Variants in HINFP observed in about 807,000 individuals in gnomAD.
The protein encoded by HINFP is MBD2 (methyl-CpG-binding protein)-interacting zinc finger protein.
Under a neutral mutation model 50.1 loss-of-function variants are expected in HINFP, and 20 were observed. The observed-to-expected ratio is 0.40, with a 90% CI of 0.28 to 0.58. HINFP has a LOEUF of 0.58. Ranked by LOEUF, HINFP falls within the 20% of genes least tolerant of loss-of-function variation. The pLI is 0.45. For synonymous variants in HINFP, 247 were observed against 243.7 expected, an observed-to-expected ratio of 1.01 and a Z score of -0.13; for missense variants, 505 against 664.1, an observed-to-expected ratio of 0.76 and a Z score of 2.63.
Position 119,132,109 on chromosome 11 carries a change from GCACCT to G in HINFP, c.676+129_676+133del. The G allele has an allele frequency of 4.1e-6, 4 of 969,580 alleles. No individual in the cohort carries two copies. In the South Asian group the frequency reaches 6.0e-5, roughly 15 times the overall value. 60.1% of individuals were successfully genotyped at this position (969,580 alleles called of 1,614,324 possible). A position where few individuals can be genotyped will look rare whatever the true frequency, so the allele number is the denominator to read the frequency against. Reference sequence around the variant, plus strand: ...GGCTGCCTCTTCTTTTTGGGCTCAGGCACCTCCCATAGTCTCTTTGCTGATTCAGA... The same window carrying G: ...GGCTGCCTCTTCTTTTTGGGCTCAGGCCCATAGTCTCTTTGCTGATTCAGA... On this transcript the variant is annotated intron_variant, in intron 5 of 9. Transcript: ENST00000350777.
At chr11:119,123,138 A>AAAAAG (rs1555212588) in intron 1 of HINFP, among the ~76,000 whole-genome samples, 27 of 151,030 alleles carry the variant, frequency 1.8e-4, no homozygotes, top group African/African-American at 6.5e-4. Context: ...CAAAAAAAAA[A>AAAAAG]AAAAAAAAAA....
intron 1 of HINFP, chr11:119,123,901 G>A (rs1947239624): frequency 1.3e-5 from 2 of 151,868 alleles, no homozygotes; most frequent in Admixed American, 1.3e-4. Context: ...TGGCCAGGAT[G>A]GTCTCAATCT....
chr11:119,132,488 C>A lies in HINFP; in HGVS notation c.677-8C>A. ...CAGCCCTCCTTTCTTCTGCCTGCCC[C>A]ACCCCAGAGCAGCACTTCCAGTGTT... On this transcript the variant is annotated splice_polypyrimidine_tract_variant and splice_region_variant and intron_variant, in intron 5 of 9. Transcript: ENST00000350777. 2.5e-6 allele frequency: 4 copies of A among 1,614,016 alleles called. No homozygotes were observed. In the South Asian group the frequency reaches 4.4e-5, roughly 18 times the overall value.
Position 119,132,491 on chromosome 11 carries a change from C to T in HINFP, c.677-5C>T. 3.1e-6 allele frequency: 5 copies of T among 1,614,092 alleles called. No homozygotes were observed. The highest frequency in any genetic ancestry group is 4.2e-6 in the Non-Finnish European group (5 of 1,180,034). On this transcript the variant is annotated splice_polypyrimidine_tract_variant and splice_region_variant and intron_variant, in intron 5 of 9. Coordinates refer to ENST00000350777, the MANE Select transcript of HINFP (RefSeq NM_198971.3). Reference sequence around the variant, plus strand: ...CCCTCCTTTCTTCTGCCTGCCCCACCCCAGAGCAGCACTTCCAGTGTTCTC... The same window carrying T: ...CCCTCCTTTCTTCTGCCTGCCCCACTCCAGAGCAGCACTTCCAGTGTTCTC...
At chr11:119,129,875 A>G (rs1315898719) in intron 2 of HINFP, 2 of 152,060 alleles carry the variant, frequency 1.3e-5, no homozygotes, top group Non-Finnish European at 2.9e-5. Context: ...TCCTTCTCCC[A>G]CCCCAAATTC....
intron 2 of HINFP, 157 bp downstream of exon 2, chr11:119,127,282 A>G (rs1947461294): frequency 1.7e-6 from 1 of 595,412 alleles, no homozygotes; most frequent in Non-Finnish European, 2.7e-6. Flanking sequence ...TCATTTATAG[A>G]AAACTCAGTC....
In HINFP at chr11:119,132,712, C is replaced by T. The variant is rs1260778126; in HGVS notation, c.806C>T (p.Ser269Phe). The T allele has an allele frequency of 6.2e-7, 1 of 1,613,974 alleles. No individual in the cohort carries two copies. Among genetic ancestry groups the T allele is most frequent in the South Asian group, 1.1e-5 (1 of 91,078 alleles). ...LCDMTCPLPS[S>F]LRNHMRFRHS... The stretch of plus-strand genomic sequence containing the variant: ...GACATGACCTGCCCGCTGCCTTCCT[C>T]CCTCCGCAACCACATGCGCTTTCGT... Residue 269 changes from serine (S) to phenylalanine (F), a missense_variant, in exon 7 of 10, where the codon TCC becomes TTC. Ser to Phe is a radical substitution (Grantham distance 155, BLOSUM62 -2). Transcript: ENST00000350777.
At chr11:119,126,534 G>T (rs1366268856) in intron 1 of HINFP, 1 of 155,732 alleles carries the variant, frequency 6.4e-6, no homozygotes, top group Non-Finnish European at 1.4e-5. Context: ...CTTGACAAAG[G>T]TCATACAGCT....
chr11:119,129,490 C>CTTTTTTTTCTTTTTTTTTTTTTTTTTTT (rs776476604), intron 2 of HINFP, among the ~76,000 whole-genome samples: 1 of 124,188 alleles, frequency 8.1e-6, no homozygotes, highest in African/African-American at 3.1e-5. Context: ...TTTTTCTTTT[C>CTTTTTTTTCTTTTTTTTTTTTTTTTTTT]TTTTTTTTTT....
At chr11:119,124,169 C>T (rs1446386338) in intron 1 of HINFP, 1 of 152,108 alleles carries the variant, frequency 6.6e-6, no homozygotes, top group Admixed American at 6.5e-5. Flanking sequence ...AGCTCAGCAA[C>T]CCTATATGCA....
chr11:119,122,215 A>G (rs920909300), intron 1 of HINFP, among the ~76,000 whole-genome samples: 1 of 152,192 alleles, frequency 6.6e-6, no homozygotes, highest in Non-Finnish European at 1.5e-5. Flanking sequence ...CAAGAGACAC[A>G]GAAAGAGAAA....
At chr11:119,123,312 C>A (rs1054733365) in intron 1 of HINFP, among the ~76,000 whole-genome samples, 1 of 151,994 alleles carries the variant, frequency 6.6e-6, no homozygotes, top group Admixed American at 6.6e-5. Context: ...GGTGCTCTTA[C>A]ATCAGATGAA....
intron 2 of HINFP, among the ~76,000 whole-genome samples, chr11:119,128,500 G>C (rs1947552328): frequency 6.6e-6 from 1 of 150,814 alleles, no homozygotes; most frequent in Admixed American, 6.6e-5. Flanking sequence ...AGTAGAGACA[G>C]GCTTTCACCA....
rs541055738 is a variant in HINFP, at chr11:119,127,662, C to G, written c.181+537C>G. Among the ~76,000 whole-genome samples the G allele has an allele frequency of 3.2e-4, 49 of 151,658 alleles. 2 individuals are homozygous for G. The highest frequency in any genetic ancestry group is 6.8e-3 in the Middle Eastern group (2 of 294). On this transcript the variant is annotated intron_variant, in intron 2 of 9. Coordinates refer to ENST00000350777, the MANE Select transcript of HINFP (RefSeq NM_198971.3). ...AAGGGATCCTCCTGCCTCAACCTCC[C>G]GAGTAGTTAGGACTGCAGGCATGTA...
At chr11:119,127,942 G>C (rs1304073391) in intron 2 of HINFP, among the ~76,000 whole-genome samples, 1 of 149,360 alleles carries the variant, frequency 6.7e-6, no homozygotes, top group African/African-American at 2.5e-5. Context: ...TGCAGCCTTT[G>C]CCTCCCAGGT....
chr11:119,133,880 A>G (rs952869348), intron 9 of HINFP: 37 of 660,994 alleles, frequency 5.6e-5, no homozygotes, highest in Non-Finnish European at 9.2e-5. Context: ...GTTTCTATAT[A>G]AAACTTTCCA....
chr11:119,133,291 T>G, intron 9 of HINFP, 72 bp downstream of exon 9: 1 of 1,582,782 alleles, frequency 6.3e-7, no homozygotes, highest in Non-Finnish European at 8.6e-7. Context: ...TTTAAAAACC[T>G]TAATTTGGGT....
Position 119,127,081 on chromosome 11 carries a change from G to A in HINFP, c.137G>A (p.Gly46Asp). Residue 46 changes from glycine (G) to aspartate (D), a missense_variant, in exon 2 of 10, where the codon GGC becomes GAC. Gly to Asp is a moderately conservative substitution (Grantham distance 94). Transcript: ENST00000350777. ...CAGCACCTGCAGCAGCACCTGCATGGCTCTGGGGAGGAGGAGGAAGAGGAA... is the reference window on the plus strand; with the variant it reads ...CAGCACCTGCAGCAGCACCTGCATGACTCTGGGGAGGAGGAGGAAGAGGAA... Reference protein sequence around the residue: ...VTQHLQQHLHGSGEEEEEEEE... With the variant: ...VTQHLQQHLHDSGEEEEEEEE... The A allele has an allele frequency of 6.2e-7, 1 of 1,613,796 alleles. No individual in the cohort carries two copies. The highest frequency in any genetic ancestry group is 8.5e-7 in the Non-Finnish European group (1 of 1,179,922).
intron 2 of HINFP, among the ~76,000 whole-genome samples, chr11:119,128,113 A>G (rs1947522120): frequency 6.6e-6 from 1 of 152,042 alleles, no homozygotes; most frequent in Non-Finnish European, 1.5e-5. Context: ...CGGCCTCCCA[A>G]AGTGCTGGGA....
Sources: gnomAD v4.1 joint callset for allele counts (sites outside exome capture counted in the v4.1 genomes callset) on GRCh38, gnomAD v4.1.1 for gene constraint, MANE v1.5 for transcripts, NCBI Gene and HGNC (gene_info 2026-07-23, HGNC 2026-07-21) for gene names.